The following FBXO36 variants were observed in gnomAD, a reference collection of about 807,000 sequenced individuals.
The protein encoded by FBXO36 is F-box protein 36, also known as F-box only protein 36.
A neutral mutation model predicts 17.0 loss-of-function variants in FBXO36; 18 were observed. The ratio of observed to expected loss-of-function variants is 1.06; its 90% confidence interval spans 0.73 to 1.57. The LOEUF (loss-of-function observed/expected upper bound fraction) is 1.57, where lower values mean the gene tolerates loss of function less well. Among genes scored for constraint, FBXO36 ranks in the 40% most tolerant of loss-of-function variants. The pLI is 0.00. For synonymous variants in FBXO36, 83 were observed against 85.3 expected (o/e 0.97, Z 0.15); for missense variants, 229 against 221.9 (o/e 1.03, Z -0.20).
chr2:229,949,602 C>T (rs1242978313), intron 1 of FBXO36, among the ~76,000 whole-genome samples: 1 of 151,694 alleles, frequency 6.6e-6, no homozygotes, highest in African/African-American at 2.4e-5. Context: ...CTGAGAAATA[C>T]TTGGTAGATG....
intron 1 of FBXO36, among the ~76,000 whole-genome samples, chr2:229,939,625 A>G (rs1027258340): frequency 3.9e-4 from 60 of 152,006 alleles, no homozygotes; most frequent in African/African-American, 1.4e-3. Context: ...AAAGAGAGAG[A>G]AATAGATTGG....
intron 1 of FBXO36, among the ~76,000 whole-genome samples, chr2:229,935,992 A>C (rs2076961753): frequency 6.6e-6 from 1 of 152,196 alleles, no homozygotes; most frequent in African/African-American, 2.4e-5. Flanking sequence ...GTTCAAGATC[A>C]GCGTGGCCAA....
In FBXO36 at chr2:229,932,677, CAAA is replaced by C. The variant is rs561251923; in HGVS notation, c.96+10076_96+10078del. On this transcript the variant is annotated intron_variant, in intron 1 of 3. Transcript: ENST00000283946. ...TGGGCAACACAGCAAGGCTCCGTCT[CAAA>C]AAAAAAAGAAAGAAAAGAAAAGAAA... The C allele has an allele frequency of 8.1e-3, 1,187 of 145,986 alleles. 10 individuals are homozygous for C. Among genetic ancestry groups the C allele is most frequent in the Non-Finnish European group, 0.012 (780 of 66,920 alleles). 9.0% of individuals were successfully genotyped at this position (145,986 alleles called of 1,614,324 possible).
chr2:229,929,035 C>T (rs2076926073), intron 1 of FBXO36, among the ~76,000 whole-genome samples: 1 of 150,108 alleles, frequency 6.7e-6, no homozygotes, highest in South Asian at 2.1e-4. Flanking sequence ...AGTGCAGTGG[C>T]ATGATCTTGG....
rs899163383 is a variant in FBXO36, at chr2:230,013,003, G to A, written c.*2119G>A. On this transcript the variant is annotated 3_prime_UTR_variant, in exon 4 of 4. Coordinates refer to ENST00000283946, the MANE Select transcript of FBXO36 (RefSeq NM_174899.5). ...ATATAATAATATTACATATAAAAAT[G>A]TTATAAAAATAAATGCTAAAGTAAA... 1 of 150,522 alleles carries A rather than the reference G, an allele frequency of 6.6e-6. No homozygotes were observed. The allele number at this position is 150,522 out of a possible 1,614,324, so 9.3% of individuals were successfully genotyped here.
chr2:229,928,226 G>A (rs1282149301), intron 1 of FBXO36, among the ~76,000 whole-genome samples: 3 of 152,254 alleles, frequency 2.0e-5, no homozygotes, highest in Middle Eastern at 3.4e-3. Flanking sequence ...AAAACAATGC[G>A]GTGGATCTCT....
intron 1 of FBXO36, among the ~76,000 whole-genome samples, chr2:229,950,081 G>A (rs1225280975): frequency 2.0e-5 from 3 of 152,190 alleles, no homozygotes; most frequent in Non-Finnish European, 2.9e-5. Flanking sequence ...TAGGACAGGG[G>A]ACACTGGCCC....
rs796612728 is a variant in FBXO36, at chr2:229,924,769, C to CT, written c.96+2173dup. Among the ~76,000 whole-genome samples the CT allele has an allele frequency of 5.1e-3, 735 of 145,256 alleles. 8 individuals carry two copies. The highest frequency in any genetic ancestry group is 0.015 in the African/African-American group (595 of 40,048). The stretch of plus-strand genomic sequence containing the variant: ...AGGCGCATGCCTTCCTCTAACTACT[C>CT]TTTTTTTTTTTTTCTTTGAGGCAGC... On this transcript the variant is annotated intron_variant, in intron 1 of 3. Coordinates refer to ENST00000283946, the MANE Select transcript of FBXO36 (RefSeq NM_174899.5).
At position 229,924,886 on chromosome 2, in the gene FBXO36, A is replaced by C. The variant is rs2076899763; in HGVS notation, c.96+2277A>C. ...TGGGTTCACACCATTCTCCTACCTC[A>C]GCCTCCCCAGTAGCTGGGATTACAG... On this transcript the variant is annotated intron_variant, in intron 1 of 3. Transcript: ENST00000283946. 2.0e-5 allele frequency among the ~76,000 whole-genome samples: 3 copies of C among 151,656 alleles called. No homozygotes were observed. The South Asian group carries it at 6.2e-4, about 32-fold the overall frequency.
At position 229,976,271 on chromosome 2, in the gene FBXO36, A is replaced by G. The variant is rs765523966; in HGVS notation, c.127A>G (p.Arg43Gly). The G allele has an allele frequency of 1.2e-6, 2 of 1,612,718 alleles. No individual in the cohort carries two copies. The highest frequency in any genetic ancestry group is 2.2e-5 in the East Asian group (1 of 44,810). The part of the protein sequence containing the change: ...VIFRWWKISL[R>G]SEYRSTKPGE... ...CTTTAGATGGTGGAAGATCTCTCTA[A>G]GGAGTGAGTATCGATCAACAAAACC... The change falls in exon 2 of 4, where the codon AGG becomes GGG. Residue 43 changes from arginine (R) to glycine (G), a missense_variant. Coordinates refer to ENST00000283946, the MANE Select transcript of FBXO36 (RefSeq NM_174899.5).
chr2:229,940,216 A>G (rs1378878121), intron 1 of FBXO36, among the ~76,000 whole-genome samples: 1 of 152,224 alleles, frequency 6.6e-6, no homozygotes, highest in Non-Finnish European at 1.5e-5. Context: ...ATGTTTTTAT[A>G]TAAGTGAAAT....
chr2:229,970,782 CAT>C (rs2077176395), intron 1 of FBXO36, among the ~76,000 whole-genome samples: 2 of 152,072 alleles, frequency 1.3e-5, no homozygotes, highest in African/African-American at 4.8e-5. Flanking sequence ...TCACGGGTAA[CAT>C]AGATTTGTCA....
intron 1 of FBXO36, among the ~76,000 whole-genome samples, chr2:229,959,219 A>C (rs182593475): frequency 1.7e-4 from 26 of 152,104 alleles, no homozygotes; most frequent in Admixed American, 1.1e-3. Context: ...GAATCTTGCT[A>C]TTTTGCCCAG....
chr2:229,970,816 A>G (rs1400500217), intron 1 of FBXO36, among the ~76,000 whole-genome samples: 1 of 152,226 alleles, frequency 6.6e-6, no homozygotes, highest in Non-Finnish European at 1.5e-5. Context: ...ATATAATGTT[A>G]CTATAACTTA....
intron 1 of FBXO36, among the ~76,000 whole-genome samples, chr2:229,950,034 A>G (rs1300534347): frequency 2.0e-5 from 3 of 152,216 alleles, no homozygotes; most frequent in Non-Finnish European, 4.4e-5. Context: ...TAATCATAGC[A>G]TGTAGCTTCA....
chr2:229,997,647 C>G (rs568499508), intron 3 of FBXO36, among the ~76,000 whole-genome samples: 1 of 151,968 alleles, frequency 6.6e-6, no homozygotes, highest in South Asian at 2.1e-4. Flanking sequence ...TCCATTTCTT[C>G]TAGTAATAGC....
intron 1 of FBXO36, among the ~76,000 whole-genome samples, chr2:229,957,314 T>C (rs1388620047): frequency 3.3e-5 from 5 of 152,268 alleles, no homozygotes; most frequent in East Asian, 3.9e-4. Flanking sequence ...CGGTGGCTCA[T>C]GCCTGTAATC....
intron 2 of FBXO36, among the ~76,000 whole-genome samples, chr2:229,989,537 G>A (rs2077287571): frequency 1.3e-5 from 2 of 152,062 alleles, no homozygotes; most frequent in African/African-American, 2.4e-5. Context: ...GATTACAGGC[G>A]TGAGCCACCA....
chr2:229,953,520 T>TAA (rs1041767215), intron 1 of FBXO36, among the ~76,000 whole-genome samples: 1 of 143,002 alleles, frequency 7.0e-6, no homozygotes. Context: ...TACCAAAAAT[T>TAA]AAAAAAAAAA....
Sources: allele counts gnomAD v4.1 joint callset (sites outside exome capture counted in the v4.1 genomes callset), GRCh38; gene constraint gnomAD v4.1.1; transcripts MANE v1.5; gene names NCBI Gene and HGNC (gene_info 2026-07-23, HGNC 2026-07-21).